Variants in RFX3 observed in about 807,000 individuals in gnomAD.
RFX3 encodes regulatory factor X3.
RFX3 carries 14 observed loss-of-function variants against 98.6 expected under a neutral mutation model. The ratio of observed to expected loss-of-function variants is 0.14; its 90% confidence interval spans 0.09 to 0.22. The LOEUF (loss-of-function observed/expected upper bound fraction) is 0.22, where lower values mean the gene tolerates loss of function less well. RFX3 is among the 10% of genes least tolerant of loss of function. RFX3 has a pLI of 1.00. For missense variants in RFX3, 639 were observed against 926.9 expected (o/e 0.69, Z 4.03); for synonymous variants, 383 against 328.4 (o/e 1.17, Z -1.80).
intron 1 of RFX3, among the ~76,000 whole-genome samples, chr9:3,502,087 TA>T (rs750822802): frequency 3.9e-3 from 541 of 138,634 alleles, no homozygotes; most frequent in Middle Eastern, 7.1e-3. Flanking sequence ...CCGTCTCCAC[TA>T]AAAAAAAAAA....
intron 1 of RFX3, among the ~76,000 whole-genome samples, chr9:3,426,081 C>T (rs935087427): frequency 6.6e-6 from 1 of 152,136 alleles, no homozygotes; most frequent in Non-Finnish European, 1.5e-5. Context: ...ATTGGATTTA[C>T]TTATATTTTA....
At chr9:3,376,313 G>T (rs559538236) in intron 2 of RFX3, among the ~76,000 whole-genome samples, 1 of 152,182 alleles carries the variant, frequency 6.6e-6, no homozygotes, top group East Asian at 1.9e-4. Flanking sequence ...TTAACCATGG[G>T]ACTCAACAGG....
intron 3 of RFX3, among the ~76,000 whole-genome samples, chr9:3,333,436 T>G (rs1306560704): frequency 1.5e-5 from 2 of 132,132 alleles, no homozygotes; most frequent in African/African-American, 6.2e-5. Context: ...ATAGAAAATG[T>G]TTTTTTTTTT....
At chr9:3,504,790 ATATAT>A (rs1490038682) in intron 1 of RFX3, among the ~76,000 whole-genome samples, 21 of 85,762 alleles carry the variant, frequency 2.4e-4, no homozygotes, top group Non-Finnish European at 3.9e-4. Context: ...TATATAAAAT[ATATAT>A]TATATTATAT....
chr9:3,374,237 T>C (rs1564006356), intron 2 of RFX3, among the ~76,000 whole-genome samples: 1 of 152,188 alleles, frequency 6.6e-6, no homozygotes, highest in East Asian at 1.9e-4. Context: ...GGATGTGAAA[T>C]GGTATAGCTG....
At chr9:3,243,798 A>C (rs1820271495) in intron 15 of RFX3, among the ~76,000 whole-genome samples, 1 of 152,274 alleles carries the variant, frequency 6.6e-6, no homozygotes, top group Non-Finnish European at 1.5e-5. Context: ...GTTTGTGACT[A>C]TTTTGCAGGT....
chr9:3,459,954 T>C (rs568775360), intron 1 of RFX3, among the ~76,000 whole-genome samples: 3 of 152,214 alleles, frequency 2.0e-5, no homozygotes, highest in South Asian at 4.1e-4. Context: ...TACTTCGTAA[T>C]GTACGTATTG....
chr9:3,250,239 T>A (rs1821207962), intron 14 of RFX3, among the ~76,000 whole-genome samples: 1 of 152,010 alleles, frequency 6.6e-6, no homozygotes, highest in Non-Finnish European at 1.5e-5. Flanking sequence ...AATAAATGAT[T>A]TTTAAAGTAA....
chr9:3,234,997 T>G (rs945833248), intron 15 of RFX3, among the ~76,000 whole-genome samples: 1 of 152,174 alleles, frequency 6.6e-6, no homozygotes, highest in Non-Finnish European at 1.5e-5. Flanking sequence ...AAAATCATCT[T>G]CCTCCACTTT....
intron 7 of RFX3, among the ~76,000 whole-genome samples, chr9:3,279,801 A>T (rs557079170): frequency 6.6e-6 from 1 of 151,980 alleles, no homozygotes; most frequent in South Asian, 2.1e-4. Flanking sequence ...TATATTTTTA[A>T]TAAGGAATCA....
intron 9 of RFX3, among the ~76,000 whole-genome samples, chr9:3,273,988 G>A (rs1477589947): frequency 6.6e-6 from 1 of 152,168 alleles, no homozygotes; most frequent in East Asian, 1.9e-4. Context: ...GATGATAAAT[G>A]TAGAAAGAAA....
intron 1 of RFX3, among the ~76,000 whole-genome samples, chr9:3,457,141 A>C (rs1438419378): frequency 8.8e-6 from 1 of 113,310 alleles, no homozygotes; most frequent in South Asian, 2.4e-4. Flanking sequence ...CTCCATCTCA[A>C]AAAAAAAAAA....
At chr9:3,381,258 T>G (rs1187165603) in intron 2 of RFX3, among the ~76,000 whole-genome samples, 2 of 152,010 alleles carry the variant, frequency 1.3e-5, no homozygotes, top group Non-Finnish European at 2.9e-5. Flanking sequence ...GTAAAAAGGC[T>G]TTTTGTAGAA....
chr9:3,455,795 A>G (rs1847097131), intron 1 of RFX3, among the ~76,000 whole-genome samples: 1 of 152,216 alleles, frequency 6.6e-6, no homozygotes, highest in African/African-American at 2.4e-5. Flanking sequence ...ACTTCTTAAA[A>G]CCTGGAAACC....
intron 2 of RFX3, among the ~76,000 whole-genome samples, chr9:3,361,146 GGCT>G (rs1449776045): frequency 1.3e-5 from 2 of 152,162 alleles, no homozygotes; most frequent in East Asian, 1.9e-4. Flanking sequence ...TTACGGTAGA[GGCT>G]GCTATGTGAC....
intron 7 of RFX3, among the ~76,000 whole-genome samples, chr9:3,286,737 C>T (rs548989563): frequency 2.6e-5 from 4 of 151,948 alleles, no homozygotes; most frequent in Admixed American, 1.3e-4. Context: ...ATCCAAACTA[C>T]TTTTAAGATC....
At chr9:3,244,388 C>T (rs1383416639) in intron 15 of RFX3, among the ~76,000 whole-genome samples, 1 of 152,174 alleles carries the variant, frequency 6.6e-6, no homozygotes, top group African/African-American at 2.4e-5. Context: ...ATATATATGG[C>T]ACTTCGAACT....
intron 1 of RFX3, among the ~76,000 whole-genome samples, chr9:3,402,622 C>G (rs1413292329): frequency 6.6e-6 from 1 of 151,552 alleles, no homozygotes; most frequent in African/African-American, 2.4e-5. Context: ...AACATAGAAC[C>G]AAAATTATTG....
intron 1 of RFX3, among the ~76,000 whole-genome samples, chr9:3,519,861 G>T (rs78971525): frequency 0.078 from 11,816 of 151,346 alleles, 1,247 homozygotes; most frequent in African/African-American, 0.24. Flanking sequence ...TAAAGATTTT[G>T]AAGCAATACA....
Sources: gnomAD v4.1 joint callset for allele counts (sites outside exome capture counted in the v4.1 genomes callset) on GRCh38, gnomAD v4.1.1 for gene constraint, MANE v1.5 for transcripts, NCBI Gene and HGNC (gene_info 2026-07-23, HGNC 2026-07-21) for gene names.